BRWD3: variants seen among roughly 807,000 people sequenced by gnomAD.
The protein encoded by BRWD3 is bromodomain and WD repeat-containing protein 3.
A neutral mutation model predicts 149.7 loss-of-function variants in BRWD3; 10 were observed. The observed-to-expected ratio is 0.07, with a 90% CI of 0.04 to 0.11. The LOEUF is 0.11. Among genes scored for constraint, BRWD3 ranks in the 10% least tolerant of loss-of-function variants. BRWD3 has a pLI of 1.00. For missense variants in BRWD3, 940 were observed against 1,373.2 expected (o/e 0.68, Z 4.99); for synonymous variants, 504 against 456.7 (o/e 1.10, Z -1.32).
rs763933804 is a variant in BRWD3 at position 80,801,214 on chromosome X, C to CTTTTT, written c.180+7320_180+7324dup. On this transcript the variant is annotated intron_variant, in intron 4 of 40. Coordinates refer to ENST00000373275, the MANE Select transcript of BRWD3 (RefSeq NM_153252.5). ...GATACTAAGGGGCATGAGAAAACAT[C>CTTTTT]TTTTTTTTTTTTTTTTTTTTTTTGA... is the stretch of plus-strand genomic sequence containing the variant. Among the ~76,000 whole-genome samples the CTTTTT allele has an allele frequency of 2.6e-4, 15 of 57,373 alleles. 1 individual carries two copies. Among genetic ancestry groups the CTTTTT allele is most frequent in the East Asian group, 6.9e-4 (1 of 1,456 alleles). The allele number at this position is 57,373 out of a possible 115,157, so 49.8% of individuals were successfully genotyped here.
At chrX:80,774,214 C>T (rs183984062) in intron 6 of BRWD3, among the ~76,000 whole-genome samples, 114 of 110,522 alleles carry the variant, frequency 1.0e-3, no homozygotes, top group African/African-American at 3.5e-3. Flanking sequence ...TCCTGACCCA[C>T]CTTTATTGAA....
intron 20 of BRWD3, among the ~76,000 whole-genome samples, chrX:80,713,405 T>C (rs757651891): frequency 1.1e-4 from 12 of 112,111 alleles, no homozygotes; most frequent in African/African-American, 3.9e-4. Flanking sequence ...AACCCTGTGC[T>C]CTCTGAAACA....
chrX:80,766,168 C>T (rs1288625241), intron 6 of BRWD3, among the ~76,000 whole-genome samples: 2 of 111,420 alleles, frequency 1.8e-5, no homozygotes, highest in African/African-American at 6.5e-5. Flanking sequence ...CTGAATAGAA[C>T]AAAAGGCAGG....
chrX:80,682,179 T>C, intron 38 of BRWD3, 85 bp from the exon 39 acceptor site: 1 of 819,420 alleles, frequency 1.2e-6, no homozygotes, highest in Admixed American at 2.3e-5. Flanking sequence ...CAAAGAGGTA[T>C]CAAGGTCAGG....
At chrX:80,748,652 T>G (rs2073626014) in intron 6 of BRWD3, among the ~76,000 whole-genome samples, 1 of 111,284 alleles carries the variant, frequency 9.0e-6, no homozygotes, top group African/African-American at 3.3e-5. Context: ...ACCTAAAAAT[T>G]TGTCAATATT....
Position 80,809,528 on chromosome X carries a change from G to C in BRWD3, c.-57C>G, listed in dbSNP as rs953729296. 14 of 733,136 alleles carry C rather than the reference G, an allele frequency of 1.9e-5. No homozygotes were observed. Among genetic ancestry groups the C allele is most frequent in the Non-Finnish European group, 2.8e-5 (14 of 498,717 alleles). The allele number at this position is 733,136 out of a possible 1,213,427, so 60.4% of individuals were successfully genotyped here. A position where few individuals can be genotyped will look rare whatever the true frequency, so the allele number is the denominator to read the frequency against. ...CCGGAGGGGCTGGCGGGGGCGGGTG[G>C]GGGCGCTGCCTCTATTGTGGTGAAG... On this transcript the variant is annotated 5_prime_UTR_variant, in exon 1 of 41. Coordinates refer to ENST00000373275, the MANE Select transcript of BRWD3 (RefSeq NM_153252.5).
intron 4 of BRWD3, among the ~76,000 whole-genome samples, chrX:80,805,301 T>G (rs2074338710): frequency 9.0e-6 from 1 of 111,638 alleles, no homozygotes; most frequent in Non-Finnish European, 1.9e-5. Context: ...TATCATTACC[T>G]TAATATTATT....
At chrX:80,758,033 C>G in intron 6 of BRWD3, among the ~76,000 whole-genome samples, 1 of 111,113 alleles carries the variant, frequency 9.0e-6, no homozygotes, top group Non-Finnish European at 1.9e-5. Flanking sequence ...AACCCCGTCT[C>G]TACTAAAAAT....
intron 40 of BRWD3, 28 bp from the exon 41 acceptor site, chrX:80,677,391 G>A: frequency 8.5e-7 from 1 of 1,183,194 alleles, no homozygotes; most frequent in Non-Finnish European, 1.1e-6. Flanking sequence ...ATTTTTAATA[G>A]TTAAGCTTTG....
intron 6 of BRWD3, among the ~76,000 whole-genome samples, chrX:80,777,198 A>C (rs2074008894): frequency 9.1e-6 from 1 of 110,071 alleles, no homozygotes; most frequent in Non-Finnish European, 1.9e-5. Flanking sequence ...TAACCACGAC[A>C]GAATTTTACT....
At chrX:80,729,126 C>T (rs912310818) in intron 13 of BRWD3, among the ~76,000 whole-genome samples, 3 of 111,208 alleles carry the variant, frequency 2.7e-5, no homozygotes, top group Non-Finnish European at 5.7e-5. Flanking sequence ...CCTAAAATGA[C>T]AAAAATTTGG....
intron 16 of BRWD3, 40 bp downstream of exon 16, chrX:80,723,708 T>G: frequency 8.3e-7 from 1 of 1,200,443 alleles, no homozygotes; most frequent in East Asian, 3.0e-5. Context: ...AATGACACAA[T>G]CCTAAATTAT....
intron 12 of BRWD3, among the ~76,000 whole-genome samples, chrX:80,730,259 A>C (rs988935446): frequency 1.8e-5 from 2 of 110,110 alleles, no homozygotes; most frequent in Non-Finnish European, 3.8e-5. Context: ...CCACATAAAA[A>C]TGTGTACATG....
At chrX:80,739,941 G>A (rs1446926692) in intron 8 of BRWD3, among the ~76,000 whole-genome samples, 1 of 112,035 alleles carries the variant, frequency 8.9e-6, no homozygotes, top group Admixed American at 9.5e-5. Flanking sequence ...CCGCAGATAA[G>A]GGGGACTACG....
At chrX:80,719,800 G>C in intron 17 of BRWD3, 144 bp from the exon 18 acceptor site, 1 of 595,248 alleles carries the variant, frequency 1.7e-6, no homozygotes, top group Non-Finnish European at 2.6e-6. Context: ...TGAAACATTT[G>C]TAAATATTTT....
chrX:80,801,515 C>T (rs1224588335), intron 4 of BRWD3, among the ~76,000 whole-genome samples: 1 of 108,838 alleles, frequency 9.2e-6, no homozygotes, highest in Non-Finnish European at 1.9e-5. Flanking sequence ...CGCGCCCGGA[C>T]GAGAAAACAT....
At chrX:80,802,420 C>T (rs1045378199) in intron 4 of BRWD3, among the ~76,000 whole-genome samples, 3 of 84,600 alleles carry the variant, frequency 3.5e-5, no homozygotes, top group Middle Eastern at 0.02. Flanking sequence ...CCAGCCTGGG[C>T]GACAGAGCAA....
rs780569830 is a variant in BRWD3, at chrX:80,726,211, CTG to C, written c.1387-1146_1387-1145del. ...TATAACACGTTTACATGTTATATGTCTGTATAACATATAACACGTTTACATGT... is the reference window on the plus strand; with the variant it reads ...TATAACACGTTTACATGTTATATGTCTATAACATATAACACGTTTACATGT... On this transcript the variant is annotated intron_variant, in intron 14 of 40. Coordinates refer to ENST00000373275, the MANE Select transcript of BRWD3 (RefSeq NM_153252.5). 3.4e-4 allele frequency among the ~76,000 whole-genome samples: 35 copies of C among 102,554 alleles called. 1 individual carries two copies. In the East Asian group the frequency reaches 0.01, roughly 30 times the overall value. The allele number at this position is 102,554 out of a possible 115,157, so 89.1% of individuals were successfully genotyped here.
Position 80,717,419 on chromosome X carries a change from C to T in BRWD3, c.2231+154G>A, listed in dbSNP as rs764422170. The T allele has an allele frequency of 1.2e-4, 61 of 506,615 alleles. No homozygotes were observed. The South Asian group carries it at 1.5e-3, about 13-fold the overall frequency. 41.8% of individuals were successfully genotyped at this position (506,615 alleles called of 1,213,427 possible). On this transcript the variant is annotated intron_variant, in intron 19 of 40. Transcript: ENST00000373275. ...AGCTGAAGATGATCATTATTTGTTA[C>T]GAAGTGAACTCACTGGAATAATATG...
Sources: allele counts gnomAD v4.1 joint callset (sites outside exome capture counted in the v4.1 genomes callset), GRCh38; gene constraint gnomAD v4.1.1; transcripts MANE v1.5; gene names NCBI Gene and HGNC (gene_info 2026-07-23, HGNC 2026-07-21).